BIN1: variants seen among roughly 807,000 people sequenced by gnomAD.
The protein encoded by BIN1 is bridging integrator 1, also known as myc box-dependent-interacting protein 1.
BIN1 carries 53 observed loss-of-function variants against 82.0 expected under a neutral mutation model. That is an observed-to-expected ratio of 0.65 (90% CI 0.52 to 0.81). BIN1 has a LOEUF of 0.81. Ranked by LOEUF, BIN1 falls within the 40% of genes least tolerant of loss-of-function variation. BIN1 has a pLI of 0.00. For missense variants in BIN1, 642 were observed against 784.4 expected (o/e 0.82, Z 2.17); for synonymous variants, 302 against 328.0 (o/e 0.92, Z 0.86).
chr2:127,105,500 T>TCCC (rs1680965848), intron 1 of BIN1, among the ~76,000 whole-genome samples: 1 of 126,424 alleles, frequency 7.9e-6, no homozygotes, highest in Non-Finnish European at 1.7e-5. Context: ...CTCCTCCTCC[T>TCCC]CCTTCCCTGG....
At position 127,057,639 on chromosome 2, in the gene BIN1, G is replaced by C; in HGVS notation, c.1003-38C>G. 1 of 1,479,990 alleles carries C rather than the reference G, an allele frequency of 6.8e-7. No homozygotes were observed. Among genetic ancestry groups the C allele is most frequent in the Non-Finnish European group, 9.0e-7 (1 of 1,108,644 alleles). The allele number at this position is 1,479,990 out of a possible 1,614,324, so 91.7% of individuals were successfully genotyped here. On this transcript the variant is annotated intron_variant, in intron 11 of 18. Transcript: ENST00000316724. This position sits in a 1 kb window ranked among gnomAD's most constrained non-coding sequence, Gnocchi z 5.0. ...GGCGGGTGAGGGGCCGCGCGGGAAG[G>C]CACAGCAGAGCACGGGGTTTGGGGG...
At chr2:127,088,716 G>A (rs1678511752) in intron 1 of BIN1, among the ~76,000 whole-genome samples, 1 of 151,534 alleles carries the variant, frequency 6.6e-6, no homozygotes, top group Non-Finnish European at 1.5e-5. Flanking sequence ...TCCAGCCAGG[G>A]CGACAGAGCA....
chr2:127,078,189 C>A (rs1273671620), intron 1 of BIN1, among the ~76,000 whole-genome samples: 1 of 151,872 alleles, frequency 6.6e-6, no homozygotes, highest in Admixed American at 6.5e-5. Flanking sequence ...GCACTTCCCC[C>A]CCCAGCCAGG....
chr2:127,084,478 C>T (rs929449104), intron 1 of BIN1, among the ~76,000 whole-genome samples: 10 of 152,248 alleles, frequency 6.6e-5, no homozygotes, highest in African/African-American at 2.2e-4. Flanking sequence ...AGCAGATTCT[C>T]CAGGCTCAGC....
intron 1 of BIN1, among the ~76,000 whole-genome samples, chr2:127,106,274 C>T (rs1381516576): frequency 6.6e-6 from 1 of 152,250 alleles, no homozygotes; most frequent in African/African-American, 2.4e-5. Flanking sequence ...AGCTTCCAGG[C>T]CGCAGGCACC....
At chr2:127,079,063 G>A (rs1371789245) in intron 1 of BIN1, among the ~76,000 whole-genome samples, 2 of 152,150 alleles carry the variant, frequency 1.3e-5, no homozygotes, top group Non-Finnish European at 2.9e-5. Flanking sequence ...CCAGCAAAAG[G>A]TCCCCAGTCT....
rs1461354213 is a variant in BIN1 at position 127,090,982 on chromosome 2, G to A, written c.85-14276C>T. 6.6e-6 allele frequency among the ~76,000 whole-genome samples: 1 copy of A among 152,152 alleles called. No individual in the cohort carries two copies. Among genetic ancestry groups the A allele is most frequent in the Non-Finnish European group, 1.5e-5 (1 of 68,032 alleles). ...TTCAGGTTCTTACACGTCTGTTCCT[G>A]TCTGAGAAGCTCAACCTATACATGC... On this transcript the variant is annotated intron_variant, in intron 1 of 18. Coordinates refer to ENST00000316724, the MANE Select transcript of BIN1 (RefSeq NM_139343.3). The surrounding 1 kb of genome is among the most constrained non-coding windows in gnomAD (Gnocchi z 6.4).
intron 7 of BIN1, among the ~76,000 whole-genome samples, chr2:127,066,520 G>C (rs568869316): frequency 6.6e-6 from 1 of 152,120 alleles, no homozygotes; most frequent in Non-Finnish European, 1.5e-5. Context: ...TCAGAAACCC[G>C]GGCCCTCCGT....
intron 12 of BIN1, chr2:127,054,685 AC>A (rs1683415450): frequency 6.5e-6 from 1 of 153,230 alleles, no homozygotes; most frequent in African/African-American, 2.4e-5. Context: ...CACCCGGGGC[AC>A]TTGGGTTAAA....
Position 127,050,825 on chromosome 2 carries a change from G to A in BIN1, c.1549C>T (p.Leu517=). ...EGGSGAGRLD[L]PPGFMFKVQA... is the part of the protein sequence containing the mutation. ...ACCTTGAACATGAAACCTGGGGGCAGGTCCAAGCGCCCGGCCCCACTGCCG... is the reference window on the plus strand; with the variant it reads ...ACCTTGAACATGAAACCTGGGGGCAAGTCCAAGCGCCCGGCCCCACTGCCG... The change falls in exon 17 of 19, where the codon CTG becomes TTG. Residue 517 remains leucine (L), a synonymous_variant. Transcript: ENST00000316724. The A allele has an allele frequency of 6.2e-7, 1 of 1,613,712 alleles. No homozygotes were observed. The highest frequency in any genetic ancestry group is 8.5e-7 in the Non-Finnish European group (1 of 1,180,020).
chr2:127,064,225 G>C (rs964515573), intron 7 of BIN1, among the ~76,000 whole-genome samples: 1 of 152,224 alleles, frequency 6.6e-6, no homozygotes, highest in Non-Finnish European at 1.5e-5. Context: ...TCTGGGAAAG[G>C]GAGGGCTGAG....
In BIN1 at chr2:127,053,437, T is replaced by C; in HGVS notation, c.1248A>G (p.Pro416=). ...KAPTPSGQSI[P]WDLWEPTESP... ...TGCAGCTTACCTCCCAGAGGTCCCATGGAATTGACTGAGCGCAGCAGTGAG... is the reference window on the plus strand; with the variant it reads ...TGCAGCTTACCTCCCAGAGGTCCCACGGAATTGACTGAGCGCAGCAGTGAG... The change falls in exon 14 of 19, where the codon CCA becomes CCG. Residue 416 remains proline (P), a synonymous_variant. Coordinates refer to ENST00000316724, the MANE Select transcript of BIN1 (RefSeq NM_139343.3). 2 of 1,613,826 alleles carry C rather than the reference T, an allele frequency of 1.2e-6. No homozygotes were observed. Among genetic ancestry groups the C allele is most frequent in the East Asian group, 2.2e-5 (1 of 44,846 alleles).
In BIN1 at chr2:127,053,938, C is replaced by T. The variant is rs1449588276; in HGVS notation, c.1206G>A (p.Thr402=). Residue 402 remains threonine (T), a synonymous_variant, in exon 13 of 19, where the codon ACG becomes ACA. Coordinates refer to ENST00000316724, the MANE Select transcript of BIN1 (RefSeq NM_139343.3). ...AGGGCGTGGGTGCCTTCACAGGGCT[C>T]GTCACGGGCGGGAGGGGGTCAAAGT... ...DLDFDPLPPV[T]SPVKAPTPSG... is the part of the protein sequence containing the mutation. The T allele has an allele frequency of 6.6e-5, 103 of 1,551,480 alleles. No individual in the cohort carries two copies. The highest frequency in any genetic ancestry group is 8.0e-5 in the Non-Finnish European group (92 of 1,147,110).
chr2:127,057,495 A>ATC lies in BIN1; in HGVS notation c.1107_1108dup (p.Ile370ArgfsTer4). ...GACCTGGGAGGGGGTGGTCACGCTG[A>ATC]TCTCAGGGACAAACGTGTCCTCAAA... is the stretch of plus-strand genomic sequence containing the variant. On this transcript the variant is annotated frameshift_variant, in exon 12 of 19. Coordinates refer to ENST00000316724, the MANE Select transcript of BIN1 (RefSeq NM_139343.3). LOFTEE classifies it high-confidence loss of function. This position sits in a 1 kb window ranked among gnomAD's most constrained non-coding sequence, Gnocchi z 5.0. 1 of 1,547,368 alleles carries ATC rather than the reference A, an allele frequency of 6.5e-7. No homozygotes were observed. The highest frequency in any genetic ancestry group is 8.7e-7 in the Non-Finnish European group (1 of 1,144,354).
chr2:127,056,449 G>A (rs562721418), intron 12 of BIN1: 9 of 152,446 alleles, frequency 5.9e-5, no homozygotes, highest in African/African-American at 2.2e-4. Context: ...ATAGGGGCTT[G>A]AGGCCCACCA....
rs948874070 is a variant in BIN1 at position 127,050,270 on chromosome 2, G to C, written c.1674+151C>G. 3 of 749,390 alleles carry C rather than the reference G, an allele frequency of 4.0e-6. No individual in the cohort carries two copies. The East Asian group carries it at 8.1e-5, about 20-fold the overall frequency. The allele number at this position is 749,390 out of a possible 1,614,324, so 46.4% of individuals were successfully genotyped here. A position where few individuals can be genotyped will look rare whatever the true frequency, so the allele number is the denominator to read the frequency against. On this transcript the variant is annotated intron_variant, in intron 18 of 18. Transcript: ENST00000316724. ...AGAGGGAGAGAGGAAAAAGCCCGAC[G>C]TGGAGGGCGGGGAGGAGCAGTTGGC...
chr2:127,063,948 G>A lies in BIN1; in HGVS notation c.683C>T (p.Pro228Leu). The stretch of plus-strand genomic sequence containing the variant: ...TGGGCCTCACCTGTTCCACAGGGAC[G>A]GCAGCTCCTCCTGCAGATCCACATT... Reference protein sequence around the residue: ...EMNVDLQEELPSLWNSRVGFY... With the variant: ...EMNVDLQEELLSLWNSRVGFY... Residue 228 changes from proline to leucine, a missense_variant, in exon 8 of 19, where the codon CCG becomes CTG. Pro to Leu is a moderately conservative substitution (Grantham distance 98). Transcript: ENST00000316724. The A allele has an allele frequency of 3.1e-6, 5 of 1,613,780 alleles. No individual in the cohort carries two copies. Among genetic ancestry groups the A allele is most frequent in the African/African-American group, 1.3e-5 (1 of 75,052 alleles).
chr2:127,055,954 G>A (rs1457149905), intron 12 of BIN1: 1 of 152,316 alleles, frequency 6.6e-6, no homozygotes, highest in Admixed American at 6.5e-5. Flanking sequence ...GGTGGCCAGG[G>A]AGGCAGGTAT....
intron 11 of BIN1, among the ~76,000 whole-genome samples, chr2:127,058,757 G>A (rs1169816283): frequency 4.6e-5 from 7 of 152,068 alleles, no homozygotes; most frequent in African/African-American, 1.7e-4. Flanking sequence ...CCAGGGAGAG[G>A]GAAGGGGAGG....
Sources: allele counts gnomAD v4.1 joint callset (sites outside exome capture counted in the v4.1 genomes callset), GRCh38; gene constraint gnomAD v4.1.1; non-coding constraint Gnocchi (gnomAD v3.1); transcripts MANE v1.5; gene names NCBI Gene and HGNC (gene_info 2026-07-23, HGNC 2026-07-21).